UBTD1: variants seen among roughly 807,000 people sequenced by gnomAD.
UBTD1 encodes the protein ubiquitin domain containing 1.
In UBTD1, 19 loss-of-function variants were observed where a neutral mutation model predicts 21.7. That is an observed-to-expected ratio of 0.87 (90% confidence interval 0.61 to 1.28). UBTD1 has a LOEUF of 1.28. Ranked by LOEUF, UBTD1 falls within the 50% of genes most tolerant of loss-of-function variation. The pLI is 0.00. For synonymous variants in UBTD1, 116 were observed against 135.1 expected (o/e 0.86, Z 0.98); for missense variants, 282 against 315.1 (o/e 0.89, Z 0.80).
intron 1 of UBTD1, among the ~76,000 whole-genome samples, chr10:97,565,071 T>C (rs1337227971): frequency 6.6e-6 from 1 of 152,178 alleles, no homozygotes; most frequent in Non-Finnish European, 1.5e-5. Context: ...CTAAAACATA[T>C]AAAACCAAGC....
Position 97,560,517 on chromosome 10 carries a change from G to C in UBTD1, c.71-7397G>C, listed in dbSNP as rs371921191. ...TGCTGTTATTTTAACTACTGTGGAG[G>C]GGAAGGGGGTCTAAAACCAGCTGTA... On this transcript the variant is annotated intron_variant, in intron 1 of 2. Transcript: ENST00000370664. 2.0e-5 allele frequency among the ~76,000 whole-genome samples: 3 copies of C among 152,232 alleles called. No individual in the cohort carries two copies. In the East Asian group the frequency reaches 5.8e-4, roughly 29 times the overall value.
At chr10:97,522,578 G>A (rs2040470964) in intron 1 of UBTD1, among the ~76,000 whole-genome samples, 1 of 152,176 alleles carries the variant, frequency 6.6e-6, no homozygotes, top group Non-Finnish European at 1.5e-5. Context: ...GGCCAGGCAG[G>A]AAACACAACC....
chr10:97,562,592 A>T (rs1477601571), intron 1 of UBTD1, among the ~76,000 whole-genome samples: 1 of 152,204 alleles, frequency 6.6e-6, no homozygotes, highest in Non-Finnish European at 1.5e-5. Flanking sequence ...GGGAGGGTGT[A>T]TCGTACAAAG....
intron 1 of UBTD1, among the ~76,000 whole-genome samples, chr10:97,514,043 C>A (rs753113664): frequency 3.3e-5 from 5 of 149,642 alleles, no homozygotes; most frequent in Non-Finnish European, 5.9e-5. Flanking sequence ...GCATTGAGAT[C>A]AAATCTGTTG....
rs1195844336 is a variant in UBTD1, at chr10:97,570,093, T to C, written c.299-45T>C. ...GGGGACCCAAACATTTAATCCATGA[T>C]AGTGGATCCCCAAGCTGACTCTGAC... On this transcript the variant is annotated intron_variant, in intron 2 of 2. Transcript: ENST00000370664. This position sits in a 1 kb window ranked among gnomAD's most constrained non-coding sequence, Gnocchi z 6.6. 2.6e-6 allele frequency: 4 copies of C among 1,559,034 alleles called. No homozygotes were observed. The African/African-American group carries it at 4.1e-5, about 16-fold the overall frequency.
rs2040748982 is a variant in UBTD1 at position 97,571,177 on chromosome 10, A to G, written c.*654A>G. 6.5e-6 allele frequency: 1 copy of G among 152,732 alleles called. No homozygotes were observed. The highest frequency in any genetic ancestry group is 1.5e-5 in the Non-Finnish European group (1 of 68,238). 9.5% of individuals were successfully genotyped at this position (152,732 alleles called of 1,614,324 possible). A position where few individuals can be genotyped will look rare whatever the true frequency, so the allele number is the denominator to read the frequency against. ...TCCCTGTGGACAGACATATCTGCAT[A>G]TTTATCAATAAAGCCTTTTGCTCCT... is the stretch of plus-strand genomic sequence containing the variant. On this transcript the variant is annotated 3_prime_UTR_variant, in exon 3 of 3. Coordinates refer to ENST00000370664, the MANE Select transcript of UBTD1 (RefSeq NM_024954.5).
intron 1 of UBTD1, among the ~76,000 whole-genome samples, chr10:97,516,536 G>A (rs1386883716): frequency 4.6e-5 from 7 of 152,154 alleles, no homozygotes; most frequent in African/African-American, 1.7e-4. Context: ...AGCACTTTGG[G>A]AGGCTGAGGC....
intron 1 of UBTD1, among the ~76,000 whole-genome samples, chr10:97,565,469 T>TATACAATAGG (rs2040712597): frequency 6.6e-6 from 1 of 152,132 alleles, no homozygotes; most frequent in Non-Finnish European, 1.5e-5. Context: ...TTTTCCCTAT[T>TATACAATAGG]GTATACTTCT....
At chr10:97,527,427 C>T (rs2040494837) in intron 1 of UBTD1, among the ~76,000 whole-genome samples, 1 of 151,618 alleles carries the variant, frequency 6.6e-6, no homozygotes, top group African/African-American at 2.4e-5. Flanking sequence ...CAGAGGCCCT[C>T]ACTGATCTGC....
intron 1 of UBTD1, among the ~76,000 whole-genome samples, chr10:97,533,637 G>A (rs185287974): frequency 4.6e-5 from 7 of 152,166 alleles, no homozygotes; most frequent in African/African-American, 1.4e-4. Flanking sequence ...CAGATCTTAA[G>A]CTCTGGGCTG....
chr10:97,532,271 C>T (rs2040535514), intron 1 of UBTD1, among the ~76,000 whole-genome samples: 1 of 152,222 alleles, frequency 6.6e-6, no homozygotes, highest in South Asian at 2.1e-4. Context: ...TTTGCTGTTT[C>T]ATGCCATCTT....
intron 1 of UBTD1, among the ~76,000 whole-genome samples, chr10:97,563,225 A>C (rs1181030746): frequency 6.6e-6 from 1 of 152,204 alleles, no homozygotes; most frequent in Non-Finnish European, 1.5e-5. Flanking sequence ...GAGAGTGTCC[A>C]AGGGGGTTCA....
In UBTD1 at chr10:97,518,540, G is replaced by A. The variant is rs959604441; in HGVS notation, c.70+19267G>A. 2.6e-5 allele frequency among the ~76,000 whole-genome samples: 4 copies of A among 152,128 alleles called. No individual in the cohort carries two copies. In the South Asian group the frequency reaches 6.2e-4, roughly 24 times the overall value. Reference sequence around the variant, plus strand: ...CTATTTCTGTTCATTTTCCCTCCACGGAGCATCTGGCAGAGCTGCCTGCTC... The same window carrying A: ...CTATTTCTGTTCATTTTCCCTCCACAGAGCATCTGGCAGAGCTGCCTGCTC... On this transcript the variant is annotated intron_variant, in intron 1 of 2. Coordinates refer to ENST00000370664, the MANE Select transcript of UBTD1 (RefSeq NM_024954.5).
At chr10:97,514,923 G>C (rs1171748954) in intron 1 of UBTD1, among the ~76,000 whole-genome samples, 1 of 152,194 alleles carries the variant, frequency 6.6e-6, no homozygotes, top group Non-Finnish European at 1.5e-5. Flanking sequence ...CACTGAGCAA[G>C]CTGATCCTCT....
chr10:97,570,408 G>A lies in UBTD1; in HGVS notation c.569G>A (p.Arg190Gln), dbSNP rs538931014. ...GAGGGCATCGAGCCATCGTGGCAGC[G>A]GTGGTTCTTCTCCGGGAAGCTGCTC... ...AQEGIEPSWQRWFFSGKLLTD... is the reference protein window; with the variant it reads ...AQEGIEPSWQQWFFSGKLLTD... Residue 190 changes from arginine (R) to glutamine (Q), a missense_variant, in exon 3 of 3, where the codon CGG (arginine) becomes CAG (glutamine). By Grantham distance (43) the Arg-to-Gln change is conservative (BLOSUM62 1). Transcript: ENST00000370664. The surrounding 1 kb of genome is among the most constrained non-coding windows in gnomAD (Gnocchi z 6.6). 1.7e-5 allele frequency: 28 copies of A among 1,613,416 alleles called. No homozygotes were observed. In the East Asian group the frequency reaches 2.5e-4, roughly 14 times the overall value.
chr10:97,520,969 A>G (rs2040464620), intron 1 of UBTD1, among the ~76,000 whole-genome samples: 1 of 152,108 alleles, frequency 6.6e-6, no homozygotes, highest in Non-Finnish European at 1.5e-5. Context: ...CATAGCAGAT[A>G]TCTCTTCCAC....
At chr10:97,564,703 A>G (rs1298215865) in intron 1 of UBTD1, among the ~76,000 whole-genome samples, 1 of 152,150 alleles carries the variant, frequency 6.6e-6, no homozygotes. Context: ...AGCTGGGATT[A>G]CAGGTGCCTG....
chr10:97,569,701 C>G (rs2040735643), intron 2 of UBTD1, among the ~76,000 whole-genome samples: 1 of 152,160 alleles, frequency 6.6e-6, no homozygotes, highest in Non-Finnish European at 1.5e-5. Context: ...GGTGAGGACT[C>G]TGTTGCTGGC....
chr10:97,564,256 C>T (rs1020372283), intron 1 of UBTD1, among the ~76,000 whole-genome samples: 1 of 152,104 alleles, frequency 6.6e-6, no homozygotes, highest in African/African-American at 2.4e-5. Flanking sequence ...GGGCTGGTGT[C>T]TGGGACAAGG....
Sources: allele counts gnomAD v4.1 joint callset (sites outside exome capture counted in the v4.1 genomes callset), GRCh38; gene constraint gnomAD v4.1.1; non-coding constraint Gnocchi (gnomAD v3.1); transcripts MANE v1.5; gene names NCBI Gene and HGNC (gene_info 2026-07-23, HGNC 2026-07-21).